The following GALNT13 variants were observed in gnomAD, a reference collection of about 807,000 sequenced individuals.
GALNT13 encodes the protein UDP-GalNAc:polypeptide N-acetylgalactosaminyltransferase 13.
In GALNT13, 28 loss-of-function variants were observed where a neutral mutation model predicts 64.2. The observed-to-expected ratio is 0.44, with a 90% CI of 0.32 to 0.60. The LOEUF is 0.60. Ranked by LOEUF, GALNT13 falls within the 20% of genes least tolerant of loss-of-function variation. The probability of loss-of-function intolerance (pLI) is 0.05; values close to 1 mark genes in which losing one functional copy is unlikely to be tolerated. For missense variants in GALNT13, 577 were observed against 669.8 expected (o/e 0.86, Z 1.53); for synonymous variants, 214 against 224.6 (o/e 0.95, Z 0.42).
chr2:153,409,353 T>A, the GALNT13 span, among the ~76,000 whole-genome samples: 9 of 148,270 alleles, frequency 6.1e-5, no homozygotes, highest in Admixed American at 1.4e-4. Context: ...TATTCATATG[T>A]ATATGTATAT....
At chr2:154,384,576 T>C (rs758786057) in intron 9 of GALNT13, among the ~76,000 whole-genome samples, 1 of 151,922 alleles carries the variant, frequency 6.6e-6, no homozygotes, top group Non-Finnish European at 1.5e-5. Flanking sequence ...CTTTTAGACA[T>C]AACTAATTCA....
At chr2:153,974,513 A>T (rs1057323634) in intron 3 of GALNT13, among the ~76,000 whole-genome samples, 1 of 151,956 alleles carries the variant, frequency 6.6e-6, no homozygotes, top group Non-Finnish European at 1.5e-5. Flanking sequence ...AGGTATTGGG[A>T]TGAGTCAATA....
intron 4 of GALNT13, among the ~76,000 whole-genome samples, chr2:154,199,415 CTG>C (rs1208811821): frequency 6.6e-6 from 1 of 151,978 alleles, no homozygotes; most frequent in African/African-American, 2.4e-5. Flanking sequence ...GAATTTTTGA[CTG>C]TATCAGTCTT....
At chr2:154,326,871 A>C (rs1694902347) in intron 9 of GALNT13, among the ~76,000 whole-genome samples, 1 of 152,090 alleles carries the variant, frequency 6.6e-6, no homozygotes, top group Non-Finnish European at 1.5e-5. Flanking sequence ...CAGTAAGTTA[A>C]ATTTTTCAGG....
At chr2:153,562,040 CTT>C in the GALNT13 span, among the ~76,000 whole-genome samples, 9,037 of 121,164 alleles carry the variant, frequency 0.075, 351 homozygotes, top group East Asian at 0.2. Flanking sequence ...CTCTCTCTCT[CTT>C]TCTCTCTCTC....
At chr2:153,754,063 G>A in the GALNT13 span, among the ~76,000 whole-genome samples, 1 of 152,136 alleles carries the variant, frequency 6.6e-6, no homozygotes, top group African/African-American at 2.4e-5. Context: ...GTCAGCTTGT[G>A]GTAAATGCTG....
chr2:153,248,584 A>T, the GALNT13 span, among the ~76,000 whole-genome samples: 5 of 151,742 alleles, frequency 3.3e-5, no homozygotes, highest in Non-Finnish European at 5.9e-5. Flanking sequence ...GAGGCTGAGG[A>T]GGGCAGATCA....
At position 154,269,906 on chromosome 2, in the gene GALNT13, G is replaced by GTGTATATATATA. The variant is rs529424469; in HGVS notation, c.975+10769_975+10770insGTATATATATAT. Among the ~76,000 whole-genome samples, 49 of 96,850 alleles carry GTGTATATATATA rather than the reference G, an allele frequency of 5.1e-4. 2 individuals carry two copies. The highest frequency in any genetic ancestry group is 1.7e-3 in the Admixed American group (13 of 7,868). 63.5% of individuals were successfully genotyped at this position (96,850 alleles called of 152,430 possible). On this transcript the variant is annotated intron_variant, in intron 8 of 12. Coordinates refer to ENST00000392825, the MANE Select transcript of GALNT13 (RefSeq NM_052917.4). Reference sequence around the variant, plus strand: ...GTCATATATATATTTATATATATGTGTATATATATATATATATATTTCTAA... The same window carrying GTGTATATATATA: ...GTCATATATATATTTATATATATGTGTGTATATATATATATATATATATATATATATTTCTAA...
At chr2:154,014,324 G>A (rs1033275668) in intron 3 of GALNT13, among the ~76,000 whole-genome samples, 5 of 152,060 alleles carry the variant, frequency 3.3e-5, no homozygotes, top group African/African-American at 1.2e-4. Context: ...CTAGGATTAC[G>A]GGGGTCTGTG....
the GALNT13 span, among the ~76,000 whole-genome samples, chr2:153,627,962 A>G: frequency 6.6e-6 from 1 of 152,164 alleles, no homozygotes; most frequent in Non-Finnish European, 1.5e-5. Context: ...TTTTCACGAT[A>G]TTGATTCTTC....
the GALNT13 span, among the ~76,000 whole-genome samples, chr2:153,513,692 G>C: frequency 2.0e-5 from 3 of 152,262 alleles, no homozygotes; most frequent in Admixed American, 2.0e-4. Context: ...CAAGCTCAGG[G>C]GAAGTCCATG....
chr2:153,759,387 T>A, the GALNT13 span, among the ~76,000 whole-genome samples: 17 of 152,312 alleles, frequency 1.1e-4, no homozygotes, highest in South Asian at 3.5e-3. Flanking sequence ...GTTTCTGATC[T>A]TATAGGGAAA....
chr2:153,180,410 T>G, the GALNT13 span, among the ~76,000 whole-genome samples: 1 of 152,182 alleles, frequency 6.6e-6, no homozygotes, highest in African/African-American at 2.4e-5. Flanking sequence ...TTTAATGTAT[T>G]GATAAAATCA....
chr2:154,062,595 G>A (rs1700244764), intron 3 of GALNT13, among the ~76,000 whole-genome samples: 1 of 152,142 alleles, frequency 6.6e-6, no homozygotes, highest in Non-Finnish European at 1.5e-5. Flanking sequence ...GAAGTGGGAA[G>A]TGCTACACAC....
At chr2:154,030,297 C>A (rs1320521771) in intron 3 of GALNT13, among the ~76,000 whole-genome samples, 1 of 151,818 alleles carries the variant, frequency 6.6e-6, no homozygotes, top group Non-Finnish European at 1.5e-5. Flanking sequence ...GAAGACATCC[C>A]AAGAAAAAGA....
rs564888378 is a variant in GALNT13, at chr2:154,321,265, T to C, written c.1156+19676T>C. 3.1e-4 allele frequency among the ~76,000 whole-genome samples: 47 copies of C among 152,242 alleles called. No homozygotes were observed. In the South Asian group the frequency reaches 9.5e-3, roughly 31 times the overall value. On this transcript the variant is annotated intron_variant, in intron 9 of 12. Transcript: ENST00000392825. Reference sequence around the variant, plus strand: ...CTAGATGAACTAAGATTTGGAACAATAGTAGCTGTCTTTCACAGGTGGAGC... The same window carrying C: ...CTAGATGAACTAAGATTTGGAACAACAGTAGCTGTCTTTCACAGGTGGAGC...
intron 4 of GALNT13, among the ~76,000 whole-genome samples, chr2:154,187,614 A>C (rs1165991919): frequency 1.3e-5 from 2 of 152,062 alleles, no homozygotes; most frequent in Admixed American, 1.3e-4. Flanking sequence ...ACTTATCCTT[A>C]TTACACTACA....
chr2:153,530,016 A>G, the GALNT13 span, among the ~76,000 whole-genome samples: 1 of 152,154 alleles, frequency 6.6e-6, no homozygotes, highest in Admixed American at 6.5e-5. Context: ...CACTTTCACC[A>G]ATGTTATTTA....
At chr2:153,660,000 C>G in the GALNT13 span, among the ~76,000 whole-genome samples, 4 of 152,110 alleles carry the variant, frequency 2.6e-5, no homozygotes, top group South Asian at 2.1e-4. Context: ...TTACACTATT[C>G]TAGATGCTGA....
Sources: gnomAD v4.1 joint callset for allele counts (sites outside exome capture counted in the v4.1 genomes callset) on GRCh38, gnomAD v4.1.1 for gene constraint, MANE v1.5 for transcripts, NCBI Gene and HGNC (gene_info 2026-07-23, HGNC 2026-07-21) for gene names.